The following HS6ST3 variants were observed in gnomAD, a reference collection of about 807,000 sequenced individuals.
HS6ST3 encodes the protein heparan sulfate 6-O-sulfotransferase 3, also known as heparan-sulfate 6-O-sulfotransferase 3.
Under a neutral mutation model 36.7 loss-of-function variants are expected in HS6ST3, and 12 were observed. The ratio of observed to expected loss-of-function variants is 0.33; its 90% CI spans 0.21 to 0.53. The LOEUF is 0.53. HS6ST3 is among the 20% of genes least tolerant of loss of function. The probability of loss-of-function intolerance (pLI) is 0.95; values close to 1 mark genes in which losing one functional copy is unlikely to be tolerated. For synonymous variants in HS6ST3, 240 were observed against 257.5 expected (o/e 0.93, Z 0.65); for missense variants, 584 against 640.9 (o/e 0.91, Z 0.96).
chr13:96,752,957 G>A (rs1876736562), intron 1 of HS6ST3, among the ~76,000 whole-genome samples: 1 of 152,068 alleles, frequency 6.6e-6, no homozygotes, highest in Non-Finnish European at 1.5e-5. Flanking sequence ...ATGGTGTGAG[G>A]TAGGGTTCAA....
chr13:96,378,260 G>T (rs1205932824), intron 1 of HS6ST3, among the ~76,000 whole-genome samples: 1 of 152,148 alleles, frequency 6.6e-6, no homozygotes, highest in Non-Finnish European at 1.5e-5. Flanking sequence ...AGTGTCATGA[G>T]AGTTATCTGT....
chr13:96,416,286 C>T (rs2055532528), intron 1 of HS6ST3, among the ~76,000 whole-genome samples: 1 of 152,056 alleles, frequency 6.6e-6, no homozygotes, highest in South Asian at 2.1e-4. Flanking sequence ...GGGATGCATG[C>T]ATTAAAATAT....
chr13:96,604,895 T>A lies in HS6ST3; in HGVS notation c.708-227595T>A, dbSNP rs555588371. On this transcript the variant is annotated intron_variant, in intron 1 of 1. Coordinates refer to ENST00000376705, the MANE Select transcript of HS6ST3 (RefSeq NM_153456.4). ...GGGAGCAGATGTCGGTTTAATGGCATCTTTAATGTCTGCTGTGCCATTTCC... is the reference window on the plus strand; with the variant it reads ...GGGAGCAGATGTCGGTTTAATGGCAACTTTAATGTCTGCTGTGCCATTTCC... 2.6e-5 allele frequency among the ~76,000 whole-genome samples: 4 copies of A among 152,326 alleles called. No individual in the cohort carries two copies. In the South Asian group the frequency reaches 8.3e-4, roughly 32 times the overall value.
chr13:96,435,803 CTTTTT>C (rs60227298), intron 1 of HS6ST3, among the ~76,000 whole-genome samples: 1 of 150,520 alleles, frequency 6.6e-6, no homozygotes, highest in Admixed American at 6.6e-5. Flanking sequence ...GTTATCACTC[CTTTTT>C]TTTTTATCAG....
At chr13:96,134,392 T>C (rs1471491543) in intron 1 of HS6ST3, among the ~76,000 whole-genome samples, 1 of 151,984 alleles carries the variant, frequency 6.6e-6, no homozygotes, top group Non-Finnish European at 1.5e-5. Flanking sequence ...TGTCATGGTT[T>C]TACCTTTATT....
chr13:96,359,048 A>G (rs2055224394), intron 1 of HS6ST3, among the ~76,000 whole-genome samples: 1 of 151,896 alleles, frequency 6.6e-6, no homozygotes, highest in African/African-American at 2.4e-5. Context: ...AATATAAAAT[A>G]TGTGTTAATG....
intron 1 of HS6ST3, among the ~76,000 whole-genome samples, chr13:96,352,853 A>G (rs2055190427): frequency 6.6e-6 from 1 of 152,100 alleles, no homozygotes; most frequent in Non-Finnish European, 1.5e-5. Context: ...ATGCCTCCTG[A>G]CACCTCTGTG....
chr13:96,156,857 T>C (rs780675839), intron 1 of HS6ST3, among the ~76,000 whole-genome samples: 1 of 152,186 alleles, frequency 6.6e-6, no homozygotes, highest in Non-Finnish European at 1.5e-5. Context: ...CTCGCATAAA[T>C]GCAGGCAGAG....
intron 1 of HS6ST3, among the ~76,000 whole-genome samples, chr13:96,596,972 C>T (rs533169625): frequency 3.9e-5 from 6 of 151,910 alleles, no homozygotes; most frequent in Non-Finnish European, 7.4e-5. Flanking sequence ...TAAAATGTGG[C>T]ATATGTAAAC....
chr13:96,111,997 G>A (rs544862959), intron 1 of HS6ST3, among the ~76,000 whole-genome samples: 2 of 152,274 alleles, frequency 1.3e-5, no homozygotes, highest in South Asian at 4.1e-4. Context: ...GATACCCTAA[G>A]TATTCCTGAA....
intron 1 of HS6ST3, among the ~76,000 whole-genome samples, chr13:96,794,885 T>C (rs1877873206): frequency 6.6e-6 from 1 of 152,094 alleles, no homozygotes; most frequent in South Asian, 2.1e-4. Flanking sequence ...AGAAAATGTG[T>C]CAGTCATGAA....
At chr13:96,580,000 G>T (rs2056335777) in intron 1 of HS6ST3, among the ~76,000 whole-genome samples, 1 of 152,014 alleles carries the variant, frequency 6.6e-6, no homozygotes, top group South Asian at 2.1e-4. Context: ...TCTGTTTAGA[G>T]ATTTTTCACA....
chr13:96,785,645 G>A (rs1029615303), intron 1 of HS6ST3, among the ~76,000 whole-genome samples: 26 of 152,044 alleles, frequency 1.7e-4, no homozygotes, highest in African/African-American at 6.0e-4. Flanking sequence ...AGCGCAGCAT[G>A]GGCTGGAACA....
intron 1 of HS6ST3, among the ~76,000 whole-genome samples, chr13:96,810,207 G>C (rs1390806712): frequency 6.6e-6 from 1 of 152,170 alleles, no homozygotes; most frequent in East Asian, 1.9e-4. Flanking sequence ...ATGATGACTT[G>C]TTTTGAAGGG....
At chr13:96,511,865 G>T (rs2056051316) in intron 1 of HS6ST3, among the ~76,000 whole-genome samples, 1 of 151,926 alleles carries the variant, frequency 6.6e-6, no homozygotes, top group Admixed American at 6.6e-5. Context: ...CCACACTTTG[G>T]TTTGAAATCT....
At chr13:96,724,015 A>G (rs530017827) in intron 1 of HS6ST3, among the ~76,000 whole-genome samples, 48 of 152,194 alleles carry the variant, frequency 3.2e-4, no homozygotes, top group African/African-American at 1.1e-3. Context: ...CATTTTACAA[A>G]AAGTTTTCTC....
intron 1 of HS6ST3, among the ~76,000 whole-genome samples, chr13:96,102,209 A>C (rs1386394688): frequency 6.6e-6 from 1 of 152,230 alleles, no homozygotes; most frequent in East Asian, 1.9e-4. Context: ...CATTTCTGTC[A>C]CTACTTTTAT....
At chr13:96,423,930 A>G (rs1052551921) in intron 1 of HS6ST3, among the ~76,000 whole-genome samples, 1 of 152,226 alleles carries the variant, frequency 6.6e-6, no homozygotes, top group Admixed American at 6.5e-5. Context: ...ATGCGATTGT[A>G]TCTTGGCTGC....
intron 1 of HS6ST3, among the ~76,000 whole-genome samples, chr13:96,405,131 A>G (rs2055471079): frequency 1.3e-5 from 2 of 152,186 alleles, no homozygotes; most frequent in South Asian, 4.1e-4. Context: ...AGTCTCAGGT[A>G]TGTGTTTATC....
Sources: allele counts gnomAD v4.1 joint callset (sites outside exome capture counted in the v4.1 genomes callset), GRCh38; gene constraint gnomAD v4.1.1; transcripts MANE v1.5; gene names NCBI Gene and HGNC (gene_info 2026-07-23, HGNC 2026-07-21).